CTNNA2: variants seen among roughly 807,000 people sequenced by gnomAD.
CTNNA2 encodes the protein catenin alpha-2.
CTNNA2 carries 42 observed loss-of-function variants against 101.0 expected under a neutral mutation model. The observed-to-expected ratio is 0.42, with a 90% confidence interval of 0.32 to 0.54. The LOEUF (loss-of-function observed/expected upper bound fraction) is 0.54, where lower values mean the gene tolerates loss of function less well. CTNNA2 is among the 20% of genes least tolerant of loss of function. CTNNA2 has a pLI of 0.14. For missense variants in CTNNA2, 871 were observed against 1,223.1 expected (o/e 0.71, Z 4.29); for synonymous variants, 450 against 456.4 (o/e 0.99, Z 0.18).
At chr2:79,381,282 C>A (rs1006242055) in intron 4 of CTNNA2, among the ~76,000 whole-genome samples, 3 of 152,094 alleles carry the variant, frequency 2.0e-5, no homozygotes, top group Admixed American at 2.0e-4. Context: ...CCAAAACTCA[C>A]GTAAATTAAT....
intron 8 of CTNNA2, among the ~76,000 whole-genome samples, chr2:80,417,363 T>C (rs1336817245): frequency 6.6e-6 from 1 of 151,768 alleles, no homozygotes; most frequent in Non-Finnish European, 1.5e-5. Flanking sequence ...TTTCATTGAT[T>C]ACAATTTTTG....
At position 79,602,733 on chromosome 2, in the gene CTNNA2, C is replaced by T. The variant is rs1298808470; in HGVS notation, c.-5-48819C>T. Reference sequence around the variant, plus strand: ...AAACAAAGAATCAAAGACTGTAAACCTCTGAATAGAGCTAGCAAAAGTTTC... The same window carrying T: ...AAACAAAGAATCAAAGACTGTAAACTTCTGAATAGAGCTAGCAAAAGTTTC... On this transcript the variant is annotated intron_variant, in intron 1 of 18. Transcript: ENST00000402739. Among the ~76,000 whole-genome samples the T allele has an allele frequency of 3.9e-5, 6 of 152,202 alleles. No homozygotes were observed. In the East Asian group the frequency reaches 1.2e-3, roughly 29 times the overall value.
intron 9 of CTNNA2, among the ~76,000 whole-genome samples, chr2:80,514,556 A>T (rs1688957768): frequency 6.6e-6 from 1 of 152,022 alleles, no homozygotes; most frequent in South Asian, 2.1e-4. Context: ...CCCTTGAAGG[A>T]TGTTAGATGT....
intron 11 of CTNNA2, 102 bp downstream of exon 11, chr2:80,546,165 C>T: frequency 1.7e-5 from 24 of 1,385,612 alleles, no homozygotes; most frequent in Non-Finnish European, 2.3e-5. Flanking sequence ...TTCAGGCGCA[C>T]TCCTTAGATC....
chr2:80,411,513 A>AG (rs1342345957), intron 8 of CTNNA2, among the ~76,000 whole-genome samples: 1 of 152,138 alleles, frequency 6.6e-6, no homozygotes, highest in Non-Finnish European at 1.5e-5. Flanking sequence ...GGTGGGGAAG[A>AG]GGGGAGCTTT....
chr2:79,752,072 G>A (rs775244275), intron 3 of CTNNA2, among the ~76,000 whole-genome samples: 11 of 152,084 alleles, frequency 7.2e-5, no homozygotes, highest in East Asian at 3.9e-4. Context: ...GAGAGTGTAC[G>A]GGTTTGATTT....
intron 7 of CTNNA2, among the ~76,000 whole-genome samples, chr2:80,186,235 C>T (rs1371953648): frequency 1.3e-5 from 2 of 152,308 alleles, no homozygotes; most frequent in Middle Eastern, 3.4e-3. Context: ...AGACACATTG[C>T]CTTATTGATT....
At chr2:79,603,974 T>C (rs568889470) in intron 1 of CTNNA2, among the ~76,000 whole-genome samples, 151 of 152,186 alleles carry the variant, frequency 9.9e-4, no homozygotes, top group African/African-American at 3.4e-3. Flanking sequence ...CAAAGAAGGG[T>C]TGGAGGACCC....
intron 1 of CTNNA2, among the ~76,000 whole-genome samples, chr2:79,556,171 T>G (rs193061737): frequency 6.6e-5 from 10 of 152,226 alleles, no homozygotes; most frequent in Admixed American, 2.0e-4. Flanking sequence ...CTAGTAATAA[T>G]GGCTTGTTAA....
rs375759510 is a variant in CTNNA2, at chr2:80,279,855, G to C, written c.1057-113356G>C. Among the ~76,000 whole-genome samples the C allele has an allele frequency of 2.0e-4, 31 of 152,080 alleles. No homozygotes were observed. The East Asian group carries it at 3.1e-3, about 15-fold the overall frequency. On this transcript the variant is annotated intron_variant, in intron 7 of 18. Coordinates refer to ENST00000402739, the MANE Select transcript of CTNNA2 (RefSeq NM_001282597.3). ...TGTCTCACCCTGAGGTGGGAATCAG[G>C]CTTTTTTAAAAAAATTTATATCTCT...
intron 2 of CTNNA2, among the ~76,000 whole-genome samples, chr2:79,312,446 T>G (rs1573065590): frequency 6.6e-6 from 1 of 152,354 alleles, no homozygotes; most frequent in South Asian, 2.1e-4. Context: ...TTCTCATTTT[T>G]CATTCATTCA....
chr2:80,601,421 C>CTTTTT (rs56921519), intron 15 of CTNNA2, among the ~76,000 whole-genome samples: 6 of 84,370 alleles, frequency 7.1e-5, no homozygotes, highest in African/African-American at 2.9e-4. Flanking sequence ...TTCTTTCTTT[C>CTTTTT]TTTTTTTTTT....
intron 6 of CTNNA2, among the ~76,000 whole-genome samples, chr2:79,894,044 CTT>C (rs1558619561): frequency 0.015 from 1,967 of 134,854 alleles, 33 homozygotes; most frequent in African/African-American, 0.023. Context: ...TCTTCTTCTT[CTT>C]CTTCTTCTTC....
chr2:79,699,745 G>T, intron 2 of CTNNA2, among the ~76,000 whole-genome samples: 1 of 145,914 alleles, frequency 6.9e-6, no homozygotes, highest in Admixed American at 6.9e-5. Context: ...GCTAAAAGCC[G>T]GGAAATATTT....
At chr2:80,239,327 T>C (rs1473499929) in intron 7 of CTNNA2, among the ~76,000 whole-genome samples, 1 of 152,116 alleles carries the variant, frequency 6.6e-6, no homozygotes, top group African/African-American at 2.4e-5. Flanking sequence ...ACTTGGGTGA[T>C]TGTCAGAAAG....
chr2:79,730,173 C>G (rs1213686755), intron 2 of CTNNA2, among the ~76,000 whole-genome samples: 1 of 152,014 alleles, frequency 6.6e-6, no homozygotes, highest in Non-Finnish European at 1.5e-5. Context: ...TTCTGGCAGG[C>G]AAATTGCTCA....
chr2:80,589,046 T>C (rs1215701140), intron 14 of CTNNA2, among the ~76,000 whole-genome samples: 3 of 152,058 alleles, frequency 2.0e-5, no homozygotes, highest in Non-Finnish European at 4.4e-5. Context: ...GGCAGAGAAG[T>C]TCTGTTATTG....
intron 1 of CTNNA2, among the ~76,000 whole-genome samples, chr2:79,541,455 T>C (rs1332123361): frequency 1.5e-5 from 2 of 132,872 alleles, no homozygotes; most frequent in Non-Finnish European, 3.3e-5. Context: ...TATATATATA[T>C]ATACACTCAT....
At chr2:80,253,458 C>T (rs1671914701) in intron 7 of CTNNA2, among the ~76,000 whole-genome samples, 2 of 152,084 alleles carry the variant, frequency 1.3e-5, no homozygotes, top group Non-Finnish European at 2.9e-5. Context: ...GGTGGAGCCT[C>T]GACTCTCTAG....
Sources: allele counts gnomAD v4.1 joint callset (sites outside exome capture counted in the v4.1 genomes callset), GRCh38; gene constraint gnomAD v4.1.1; transcripts MANE v1.5; gene names NCBI Gene and HGNC (gene_info 2026-07-23, HGNC 2026-07-21).